HTR2C: variants seen among roughly 807,000 people sequenced by gnomAD.
HTR2C encodes 5-hydroxytryptamine (serotonin) receptor 2C, G protein-coupled.
A neutral mutation model predicts 21.0 loss-of-function variants in HTR2C; 5 were observed. The observed-to-expected ratio is 0.24, with a 90% CI of 0.12 to 0.50. The LOEUF is 0.50. HTR2C is among the 20% of genes least tolerant of loss of function. The probability of loss-of-function intolerance (pLI) is 0.98; values close to 1 mark genes in which losing one functional copy is unlikely to be tolerated. For synonymous variants in HTR2C, 150 were observed against 145.3 expected (o/e 1.03, Z -0.23); for missense variants, 271 against 371.2 (o/e 0.73, Z 2.22).
chrX:114,908,743 A>G lies in HTR2C; in HGVS notation c.*1328A>G, dbSNP rs1295939005. 8.9e-6 allele frequency: 1 copy of G among 112,687 alleles called. No homozygotes were observed. The highest frequency in any genetic ancestry group is 1.9e-5 in the Non-Finnish European group (1 of 53,312). 9.3% of individuals were successfully genotyped at this position (112,687 alleles called of 1,213,427 possible). On this transcript the variant is annotated 3_prime_UTR_variant, in exon 6 of 6. Transcript: ENST00000276198. ...TACAATAAGTGTTGGCCATCATTTC[A>G]TTCGTGGGCCTGCTGCTCTCTAAGA...
At chrX:114,881,266 T>C (rs782809482) in intron 5 of HTR2C, among the ~76,000 whole-genome samples, 21 of 111,235 alleles carry the variant, frequency 1.9e-4, no homozygotes, top group African/African-American at 6.5e-4. Context: ...GAAAGACACA[T>C]AATGATTTGA....
At chrX:114,880,291 C>A (rs1021368214) in intron 5 of HTR2C, among the ~76,000 whole-genome samples, 1 of 110,641 alleles carries the variant, frequency 9.0e-6, no homozygotes, top group Admixed American at 9.7e-5. Context: ...TAAATGAAAT[C>A]ATACAATATG....
chrX:114,865,040 C>T (rs1474637038), intron 5 of HTR2C, among the ~76,000 whole-genome samples: 1 of 110,209 alleles, frequency 9.1e-6, no homozygotes, highest in African/African-American at 3.3e-5. Flanking sequence ...CATCCATCCC[C>T]ATCAAAAGTT....
At chrX:114,890,347 G>T (rs2071250044) in intron 5 of HTR2C, among the ~76,000 whole-genome samples, 1 of 111,893 alleles carries the variant, frequency 8.9e-6, no homozygotes, top group Non-Finnish European at 1.9e-5. Context: ...GCCACTTACA[G>T]AATGTTGTAA....
chrX:114,709,944 A>T (rs781862565), intron 2 of HTR2C, among the ~76,000 whole-genome samples: 1 of 111,776 alleles, frequency 8.9e-6, no homozygotes, highest in East Asian at 2.8e-4. Context: ...CCTAACAGTT[A>T]TGCATAAACT....
In HTR2C at chrX:114,700,791, G is replaced by C. The variant is rs148450825; in HGVS notation, c.-79-26067G>C. Reference sequence around the variant, plus strand: ...CTCGGGAAGCCCAAGGGGTCAGGGAGTTCCTTTTCCTAGTCAAAGAAAGGG... The same window carrying C: ...CTCGGGAAGCCCAAGGGGTCAGGGACTTCCTTTTCCTAGTCAAAGAAAGGG... On this transcript the variant is annotated intron_variant, in intron 2 of 5. Transcript: ENST00000276198. 7.8e-3 allele frequency among the ~76,000 whole-genome samples: 879 copies of C among 112,702 alleles called. 14 individuals carry two copies. The highest frequency in any genetic ancestry group is 0.026 in the African/African-American group (821 of 31,097).
At chrX:114,752,344 G>A (rs192125429) in intron 4 of HTR2C, among the ~76,000 whole-genome samples, 1 of 111,380 alleles carries the variant, frequency 9.0e-6, no homozygotes, top group African/African-American at 3.3e-5. Flanking sequence ...TATGCAATAA[G>A]CTGCATTTTT....
intron 4 of HTR2C, among the ~76,000 whole-genome samples, chrX:114,843,885 C>A (rs1289050436): frequency 1.8e-5 from 2 of 110,561 alleles, no homozygotes; most frequent in Non-Finnish European, 3.8e-5. Context: ...AGCTATCCTT[C>A]AAAAATAGAG....
intron 4 of HTR2C, among the ~76,000 whole-genome samples, chrX:114,830,654 A>T (rs1345703581): frequency 1.9e-5 from 1 of 51,422 alleles, no homozygotes; most frequent in Non-Finnish European, 3.6e-5. Context: ...AGAGTTAAAG[A>T]GATAAACTTT....
intron 2 of HTR2C, among the ~76,000 whole-genome samples, chrX:114,639,236 A>G (rs1929991355): frequency 8.9e-6 from 1 of 112,348 alleles, no homozygotes; most frequent in African/African-American, 3.2e-5. Context: ...AAATATTTCA[A>G]ATGCCATTTA....
chrX:114,849,187 G>T (rs191569974), intron 5 of HTR2C, among the ~76,000 whole-genome samples: 6 of 112,065 alleles, frequency 5.4e-5, no homozygotes, highest in East Asian at 5.6e-4. Context: ...ATGAATTTAC[G>T]TAAGTTTGAC....
chrX:114,809,295 G>A (rs889436709), intron 4 of HTR2C, among the ~76,000 whole-genome samples: 3 of 110,019 alleles, frequency 2.7e-5, no homozygotes, highest in East Asian at 5.8e-4. Context: ...TGCACGTGAC[G>A]AGTACTGCCT....
intron 2 of HTR2C, among the ~76,000 whole-genome samples, chrX:114,687,416 C>T (rs5945994): frequency 6.2e-5 from 7 of 112,094 alleles, no homozygotes; most frequent in South Asian, 3.6e-4. Context: ...TGTACTCCAT[C>T]GTTTACTGGT....
chrX:114,844,649 T>C (rs1437256689), intron 4 of HTR2C, among the ~76,000 whole-genome samples: 9 of 111,741 alleles, frequency 8.1e-5, no homozygotes, highest in Non-Finnish European at 1.5e-4. Flanking sequence ...ACATGTATGT[T>C]GAAAGTGAAA....
chrX:114,726,135 G>T (rs1933460933), intron 2 of HTR2C, among the ~76,000 whole-genome samples: 1 of 112,200 alleles, frequency 8.9e-6, no homozygotes, highest in East Asian at 2.8e-4. Context: ...CTTGCAGTTT[G>T]ATCTCAGACT....
chrX:114,666,808 T>C (rs183748621), intron 2 of HTR2C, among the ~76,000 whole-genome samples: 3 of 111,941 alleles, frequency 2.7e-5, no homozygotes, highest in Admixed American at 1.9e-4. Context: ...ATTGGATCTT[T>C]AAATTCAATA....
intron 5 of HTR2C, among the ~76,000 whole-genome samples, chrX:114,904,499 GAAC>G (rs1465937769): frequency 9.0e-6 from 1 of 110,980 alleles, no homozygotes; most frequent in East Asian, 2.8e-4. Context: ...AAAAATTAAT[GAAC>G]AATAATTATT....
chrX:114,591,848 C>T (rs910311901), intron 1 of HTR2C, among the ~76,000 whole-genome samples: 2 of 111,762 alleles, frequency 1.8e-5, no homozygotes, highest in Non-Finnish European at 3.8e-5. Context: ...CAAATAAGTA[C>T]TGTTAGACAG....
chrX:114,839,974 T>G (rs1252746232), intron 4 of HTR2C, among the ~76,000 whole-genome samples: 1 of 110,313 alleles, frequency 9.1e-6, no homozygotes, highest in Non-Finnish European at 1.9e-5. Context: ...GCAGTTTGAG[T>G]CCAACCAAGC....
Sources: allele counts gnomAD v4.1 joint callset (sites outside exome capture counted in the v4.1 genomes callset), GRCh38; gene constraint gnomAD v4.1.1; transcripts MANE v1.5; gene names NCBI Gene and HGNC (gene_info 2026-07-23, HGNC 2026-07-21).